SCN2B: variants seen among roughly 807,000 people sequenced by gnomAD.
The protein encoded by SCN2B is sodium voltage-gated channel beta subunit 2.
A neutral mutation model predicts 18.2 loss-of-function variants in SCN2B; 14 were observed. The observed-to-expected ratio is 0.77, with a 90% CI of 0.51 to 1.21. The LOEUF (loss-of-function observed/expected upper bound fraction) is 1.21, where lower values mean the gene tolerates loss of function less well. SCN2B is among the 50% of genes most tolerant of loss of function. The probability of loss-of-function intolerance (pLI) is 0.00; values close to 1 mark genes in which losing one functional copy is unlikely to be tolerated. For missense variants in SCN2B, 262 were observed against 286.9 expected (o/e 0.91, Z 0.63); for synonymous variants, 115 against 115.3 (o/e 1.00, Z 0.02).
Position 118,168,023 on chromosome 11 carries a change from T to C in SCN2B, c.448+62A>G. 7 of 1,439,658 alleles carry C rather than the reference T, an allele frequency of 4.9e-6. No individual in the cohort carries two copies. Among genetic ancestry groups the C allele is most frequent in the Non-Finnish European group, 6.7e-6 (7 of 1,037,158 alleles). The allele number at this position is 1,439,658 out of a possible 1,614,324, so 89.2% of individuals were successfully genotyped here. ...GCCTCCCCAAAGTGCCCTGAGCAAA[T>C]GCCGCAGAGAGTAGGTGGGTGGGAA... On this transcript the variant is annotated intron_variant, in intron 3 of 3. Coordinates refer to ENST00000278947, the MANE Select transcript of SCN2B (RefSeq NM_004588.5). This position sits in a 1 kb window ranked among gnomAD's most constrained non-coding sequence, Gnocchi z 4.7.
Position 118,168,539 on chromosome 11 carries a change from G to A in SCN2B, c.237+46C>T. 1 of 1,612,190 alleles carries A rather than the reference G, an allele frequency of 6.2e-7. No homozygotes were observed. Among genetic ancestry groups the A allele is most frequent in the Non-Finnish European group, 8.5e-7 (1 of 1,178,470 alleles). Reference sequence around the variant, plus strand: ...GTGGGACCAGGGGCTTCATGCCATGGGGCTCCTACCTCCTCCCCTGCCCCT... The same window carrying A: ...GTGGGACCAGGGGCTTCATGCCATGAGGCTCCTACCTCCTCCCCTGCCCCT... On this transcript the variant is annotated intron_variant, in intron 2 of 3. Coordinates refer to ENST00000278947, the MANE Select transcript of SCN2B (RefSeq NM_004588.5). The surrounding 1 kb of genome is among the most constrained non-coding windows in gnomAD (Gnocchi z 4.7).
Position 118,165,350 on chromosome 11 carries a change from C to T in SCN2B, c.*1537G>A, listed in dbSNP as rs1480596850. The stretch of plus-strand genomic sequence containing the variant: ...GGCTAGTTGATCTCTGAGGATCTTC[C>T]AAGGTCATGGTCTCAGAGTCAGTGT... On this transcript the variant is annotated 3_prime_UTR_variant, in exon 4 of 4. Coordinates refer to ENST00000278947, the MANE Select transcript of SCN2B (RefSeq NM_004588.5). The T allele has an allele frequency of 6.6e-6, 1 of 152,602 alleles. No individual in the cohort carries two copies. Among genetic ancestry groups the T allele is most frequent in the Non-Finnish European group, 1.5e-5 (1 of 68,046 alleles). The allele number at this position is 152,602 out of a possible 1,614,324, so 9.5% of individuals were successfully genotyped here. A position where few individuals can be genotyped will look rare whatever the true frequency, so the allele number is the denominator to read the frequency against.
Position 118,168,050 on chromosome 11 carries a change from G to T in SCN2B, c.448+35C>A. 1 of 1,578,162 alleles carries T rather than the reference G, an allele frequency of 6.3e-7. No homozygotes were observed. Among genetic ancestry groups the T allele is most frequent in the South Asian group, 1.1e-5 (1 of 88,540 alleles). On this transcript the variant is annotated intron_variant, in intron 3 of 3. Coordinates refer to ENST00000278947, the MANE Select transcript of SCN2B (RefSeq NM_004588.5). The surrounding 1 kb of genome is among the most constrained non-coding windows in gnomAD (Gnocchi z 4.7). ...CCGCAGAGAGTAGGTGGGTGGGAAA[G>T]GTCAGGGCCCCGCAGCTGGCACCCC...
chr11:118,175,501 G>A (rs1948462802), intron 1 of SCN2B, among the ~76,000 whole-genome samples: 1 of 152,312 alleles, frequency 6.6e-6, no homozygotes, highest in South Asian at 2.1e-4. Flanking sequence ...TTGACTCTCA[G>A]TTGCTGCTCC....
rs776339547 is a variant in SCN2B at position 118,163,754 on chromosome 11, A to G, written c.*3133T>C. On this transcript the variant is annotated 3_prime_UTR_variant, in exon 4 of 4. Coordinates refer to ENST00000278947, the MANE Select transcript of SCN2B (RefSeq NM_004588.5). ...ACCAGCAGAGCGTGGTGGTGGGAAC[A>G]TGCAACCAGAAGTGGGGCTCGAACC... 2 of 152,536 alleles carry G rather than the reference A, an allele frequency of 1.3e-5. No homozygotes were observed. The highest frequency in any genetic ancestry group is 2.9e-5 in the Non-Finnish European group (2 of 68,062). The allele number at this position is 152,536 out of a possible 1,614,324, so 9.4% of individuals were successfully genotyped here. A position where few individuals can be genotyped will look rare whatever the true frequency, so the allele number is the denominator to read the frequency against.
chr11:118,168,868 T>A lies in SCN2B; in HGVS notation c.71-117A>T. 1 of 1,115,490 alleles carries A rather than the reference T, an allele frequency of 9.0e-7. No individual in the cohort carries two copies. Among genetic ancestry groups the A allele is most frequent in the Non-Finnish European group, 1.4e-6 (1 of 733,886 alleles). 69.1% of individuals were successfully genotyped at this position (1,115,490 alleles called of 1,614,324 possible). ...CAGAGCAGAGCCACAGGGAGGGGAC[T>A]GGGTCCCTGACAGCTCCAGTTAATC... On this transcript the variant is annotated intron_variant, in intron 1 of 3. Coordinates refer to ENST00000278947, the MANE Select transcript of SCN2B (RefSeq NM_004588.5). The surrounding 1 kb of genome is among the most constrained non-coding windows in gnomAD (Gnocchi z 4.7).
rs138426649 is a variant in SCN2B at position 118,169,543 on chromosome 11, C to G, written c.71-792G>C. Reference sequence around the variant, plus strand: ...GCTGTGTCCCAGCCCAGCCCAGCCCCCTACCTTCCTCAGGCTTGCAACAGA... The same window carrying G: ...GCTGTGTCCCAGCCCAGCCCAGCCCGCTACCTTCCTCAGGCTTGCAACAGA... On this transcript the variant is annotated intron_variant, in intron 1 of 3. Coordinates refer to ENST00000278947, the MANE Select transcript of SCN2B (RefSeq NM_004588.5). 1.9e-3 allele frequency among the ~76,000 whole-genome samples: 287 copies of G among 152,322 alleles called. 1 individual carries two copies. The highest frequency in any genetic ancestry group is 6.4e-3 in the African/African-American group (266 of 41,572).
Position 118,166,402 on chromosome 11 carries a change from G to T in SCN2B, c.*485C>A, listed in dbSNP as rs1032906267. On this transcript the variant is annotated 3_prime_UTR_variant, in exon 4 of 4. Transcript: ENST00000278947. ...AGGAACTCATCGTCACCTCCAGCCT[G>T]ATGGCTGCTCTGGGCTGGGAGCAGG... 9.6e-6 allele frequency: 2 copies of T among 208,804 alleles called. No homozygotes were observed. The highest frequency in any genetic ancestry group is 2.0e-5 in the Non-Finnish European group (2 of 102,046). 12.9% of individuals were successfully genotyped at this position (208,804 alleles called of 1,614,324 possible).
At chr11:118,167,700 G>A (rs1031996855) in intron 3 of SCN2B, among the ~76,000 whole-genome samples, 1 of 152,156 alleles carries the variant, frequency 6.6e-6, no homozygotes, top group Admixed American at 6.5e-5. Context: ...GGGAGTATAG[G>A]TGCAAGCCAC....
chr11:118,166,336 G>C lies in SCN2B; in HGVS notation c.*551C>G, dbSNP rs886229156. The C allele has an allele frequency of 5.7e-6, 1 of 174,340 alleles. No individual in the cohort carries two copies. Among genetic ancestry groups the C allele is most frequent in the African/African-American group, 2.4e-5 (1 of 41,852 alleles). 10.8% of individuals were successfully genotyped at this position (174,340 alleles called of 1,614,324 possible). A position where few individuals can be genotyped will look rare whatever the true frequency, so the allele number is the denominator to read the frequency against. On this transcript the variant is annotated 3_prime_UTR_variant, in exon 4 of 4. Transcript: ENST00000278947. Reference sequence around the variant, plus strand: ...AGCCCTGGCTTTCCGTCAGTGCCCTGGAATGCACAGTCATCCCTTTAACAT... The same window carrying C: ...AGCCCTGGCTTTCCGTCAGTGCCCTCGAATGCACAGTCATCCCTTTAACAT...
At chr11:118,173,218 C>T (rs1390329742) in intron 1 of SCN2B, among the ~76,000 whole-genome samples, 1 of 152,208 alleles carries the variant, frequency 6.6e-6, no homozygotes, top group Non-Finnish European at 1.5e-5. Context: ...CCCTGCCAGC[C>T]CCCATCCCCC....
intron 1 of SCN2B, among the ~76,000 whole-genome samples, chr11:118,175,868 A>C (rs944327553): frequency 4.6e-4 from 70 of 152,268 alleles, no homozygotes; most frequent in African/African-American, 1.6e-3. Flanking sequence ...CCAACAGATC[A>C]GTGAGACCGA....
Position 118,168,075 on chromosome 11 carries a change from C to T in SCN2B, c.448+10G>A. 6.2e-7 allele frequency: 1 copy of T among 1,612,254 alleles called. No individual in the cohort carries two copies. Among genetic ancestry groups the T allele is most frequent in the South Asian group, 1.1e-5 (1 of 90,684 alleles). ...GGTCAGGGCCCCGCAGCTGGCACCCCAGCCTTCACCTTCCATGAGGACCTG... is the reference window on the plus strand; with the variant it reads ...GGTCAGGGCCCCGCAGCTGGCACCCTAGCCTTCACCTTCCATGAGGACCTG... On this transcript the variant is annotated intron_variant, in intron 3 of 3. Coordinates refer to ENST00000278947, the MANE Select transcript of SCN2B (RefSeq NM_004588.5). This position sits in a 1 kb window ranked among gnomAD's most constrained non-coding sequence, Gnocchi z 4.7.
chr11:118,174,091 CTTTTTTTTTTTTTT>C (rs1162918445), intron 1 of SCN2B, among the ~76,000 whole-genome samples: 2 of 66,626 alleles, frequency 3.0e-5, no homozygotes, highest in Admixed American at 2.2e-4. Context: ...TTTTTCTTTT[CTTTTTTTTTTTTTT>C]TTTTTTTTTT....
chr11:118,168,474 C>T lies in SCN2B; in HGVS notation c.237+111G>A. The T allele has an allele frequency of 6.8e-7, 1 of 1,471,892 alleles. No individual in the cohort carries two copies. The highest frequency in any genetic ancestry group is 1.1e-5 in the South Asian group (1 of 87,430). The allele number at this position is 1,471,892 out of a possible 1,614,324, so 91.2% of individuals were successfully genotyped here. On this transcript the variant is annotated intron_variant, in intron 2 of 3. Coordinates refer to ENST00000278947, the MANE Select transcript of SCN2B (RefSeq NM_004588.5). This position sits in a 1 kb window ranked among gnomAD's most constrained non-coding sequence, Gnocchi z 4.7. ...GAGCCTCCAGAGCACGCAGCCCACC[C>T]AGGGTCCTCTGGGGCCCTAGCGCAG...
intron 1 of SCN2B, among the ~76,000 whole-genome samples, chr11:118,171,587 C>G (rs527835868): frequency 6.6e-6 from 1 of 152,366 alleles, no homozygotes; most frequent in East Asian, 1.9e-4. Flanking sequence ...CCTCTGCCCC[C>G]CACCAAGCCC....
intron 1 of SCN2B, among the ~76,000 whole-genome samples, chr11:118,175,131 G>T (rs76448372): frequency 6.6e-6 from 1 of 152,316 alleles, no homozygotes; most frequent in East Asian, 1.9e-4. Flanking sequence ...CAGTGCCTGG[G>T]CTCACGAAAA....
chr11:118,170,825 A>C (rs1205498408), intron 1 of SCN2B, among the ~76,000 whole-genome samples: 1 of 152,322 alleles, frequency 6.6e-6, no homozygotes, highest in East Asian at 1.9e-4. Flanking sequence ...ATTCTCCCCA[A>C]GTTCTGCCTT....
Position 118,166,794 on chromosome 11 carries a change from C to T in SCN2B, c.*93G>A, listed in dbSNP as rs754072592. 4.4e-5 allele frequency: 67 copies of T among 1,525,290 alleles called. No individual in the cohort carries two copies. The highest frequency in any genetic ancestry group is 3.1e-4 in the South Asian group (28 of 89,136). 94.5% of individuals were successfully genotyped at this position (1,525,290 alleles called of 1,614,324 possible). On this transcript the variant is annotated 3_prime_UTR_variant, in exon 4 of 4. Transcript: ENST00000278947. ...AGGTGGGCCCTGGGGTCCTAGGTCA[C>T]GGGAAGCACACCAAGAGCGAGCAGG...
Sources: gnomAD v4.1 joint callset for allele counts (sites outside exome capture counted in the v4.1 genomes callset) on GRCh38, gnomAD v4.1.1 for gene constraint, Gnocchi (gnomAD v3.1) non-coding constraint, MANE v1.5 for transcripts, NCBI Gene and HGNC (gene_info 2026-07-23, HGNC 2026-07-21) for gene names.